The following ALG8 variants were observed in gnomAD, a reference collection of about 807,000 sequenced individuals.
The protein encoded by ALG8 is ALG8 alpha-1,3-glucosyltransferase.
A neutral mutation model predicts 70.2 loss-of-function variants in ALG8; 48 were observed. The ratio of observed to expected loss-of-function variants is 0.68; its 90% CI spans 0.54 to 0.87. The LOEUF (loss-of-function observed/expected upper bound fraction) is 0.87. Among genes scored for constraint, ALG8 ranks in the 40% least tolerant of loss-of-function variants. The probability of loss-of-function intolerance (pLI) is 0.00; values close to 1 mark genes in which losing one functional copy is unlikely to be tolerated. For missense variants in ALG8, 572 were observed against 608.7 expected, an observed-to-expected ratio of 0.94 and a Z score of 0.64; for synonymous variants, 234 against 229.0, an observed-to-expected ratio of 1.02 and a Z score of -0.20.
At chr11:78,138,633 G>C (rs1590850879) in intron 1 of ALG8, 1 of 445,620 alleles carries the variant, frequency 2.2e-6, no homozygotes, top group East Asian at 7.1e-5. Flanking sequence ...AGGAGAAAAG[G>C]GATGAGGGAG....
In ALG8 at chr11:78,112,750, A is replaced by C; in HGVS notation, c.798T>G (p.Phe266Leu). ...FLALNQLPQV[F>L]SRLFPFKRGL... is the part of the protein sequence containing the mutation. ...CCCTCTTGAAAGGAAAGAGTCGGGA[A>C]AAGACTTGAGGCAGCTGATTCTGTT... Residue 266 changes from phenylalanine to leucine, a missense_variant, in exon 8 of 13, where the codon TTT becomes TTG. By Grantham distance (22) the Phe-to-Leu change is conservative. Coordinates refer to ENST00000299626, the MANE Select transcript of ALG8 (RefSeq NM_024079.5). 6.2e-7 allele frequency: 1 copy of C among 1,613,920 alleles called. No homozygotes were observed. Among genetic ancestry groups the C allele is most frequent in the Non-Finnish European group, 8.5e-7 (1 of 1,179,820 alleles).
rs527436295 is a variant in ALG8, at chr11:78,131,184, C to T, written c.96-3748G>A. ...TTTGTTGGAGTGCTGGGATTACAGG[C>T]GTGAGCCACTGCACCCATCAGTAAA... is the stretch of plus-strand genomic sequence containing the variant. On this transcript the variant is annotated intron_variant, in intron 1 of 12. Transcript: ENST00000299626. Among the ~76,000 whole-genome samples, 30 of 151,954 alleles carry T rather than the reference C, an allele frequency of 2.0e-4. 1 individual carries two copies. The highest frequency in any genetic ancestry group is 4.2e-4 in the South Asian group (2 of 4,794).
At chr11:78,107,066 C>G in intron 9 of ALG8, 120 bp from the exon 10 acceptor site, 1 of 1,224,348 alleles carries the variant, frequency 8.2e-7, no homozygotes, top group Non-Finnish European at 1.2e-6. Flanking sequence ...GACAATTCTT[C>G]ATGAAACCGA....
rs368103442 is a variant in ALG8 at position 78,120,990 on chromosome 11, T to C, written c.478+75A>G. 8 of 1,342,104 alleles carry C rather than the reference T, an allele frequency of 6.0e-6. No homozygotes were observed. The East Asian group carries it at 9.3e-5, about 16-fold the overall frequency. The allele number at this position is 1,342,104 out of a possible 1,614,324, so 83.1% of individuals were successfully genotyped here. On this transcript the variant is annotated intron_variant, in intron 4 of 12. Coordinates refer to ENST00000299626, the MANE Select transcript of ALG8 (RefSeq NM_024079.5). Reference sequence around the variant, plus strand: ...AAGGAGCTCACATCTCCAATCATTATTATAGAAAACATTAATCTTGTATTA... The same window carrying C: ...AAGGAGCTCACATCTCCAATCATTACTATAGAAAACATTAATCTTGTATTA...
chr11:78,119,999 G>A (rs541019077), intron 4 of ALG8, among the ~76,000 whole-genome samples: 2 of 152,130 alleles, frequency 1.3e-5, no homozygotes, highest in African/African-American at 4.8e-5. Context: ...CTACTCGGGA[G>A]GCTGAAGCAT....
rs1860369592 is a variant in ALG8, at chr11:78,112,901, T to C, written c.778-131A>G. The stretch of plus-strand genomic sequence containing the variant: ...GTCTGGGTTCTAGTAAGTAAGTGGT[T>C]ATATGCTCACCACAATGTAAGTTCA... On this transcript the variant is annotated intron_variant, in intron 7 of 12. Coordinates refer to ENST00000299626, the MANE Select transcript of ALG8 (RefSeq NM_024079.5). The C allele has an allele frequency of 8.3e-6, 9 of 1,085,420 alleles. No individual in the cohort carries two copies. The South Asian group carries it at 1.2e-4, about 14-fold the overall frequency. The allele number at this position is 1,085,420 out of a possible 1,614,324, so 67.2% of individuals were successfully genotyped here.
intron 2 of ALG8, among the ~76,000 whole-genome samples, chr11:78,126,961 A>G (rs1355058610): frequency 2.6e-5 from 4 of 150,992 alleles, no homozygotes; most frequent in African/African-American, 7.4e-5. Context: ...ATAAAGATTA[A>G]TTAGATCTAT....
rs528112587 is a variant in ALG8 at position 78,139,619 on chromosome 11, T to C, written c.-31A>G. ...CGGCACCGCACGCTTCCCACCAACTTGATCCACATCCGGGATCCCGCGCAT... is the reference window on the plus strand; with the variant it reads ...CGGCACCGCACGCTTCCCACCAACTCGATCCACATCCGGGATCCCGCGCAT... On this transcript the variant is annotated 5_prime_UTR_variant, in exon 1 of 13. Coordinates refer to ENST00000299626, the MANE Select transcript of ALG8 (RefSeq NM_024079.5). 6 of 1,547,174 alleles carry C rather than the reference T, an allele frequency of 3.9e-6. No homozygotes were observed. The African/African-American group carries it at 8.2e-5, about 21-fold the overall frequency.
In ALG8 at chr11:78,104,021, T is replaced by A. The variant is rs1172368286; in HGVS notation, c.1308A>T (p.Leu436=). Residue 436 remains leucine (L), a synonymous_variant, in exon 12 of 13, where the codon CTA becomes CTT. Transcript: ENST00000299626. The stretch of plus-strand genomic sequence containing the variant: ...GTGACGAAATACTATATATGGTGAA[T>A]AGTAACATGAGTAAGATTTTAATGG... ...ELPIKILLML[L]FTIYSISSLK... is the part of the protein sequence containing the mutation. 6.6e-7 allele frequency: 1 copy of A among 1,510,382 alleles called. No individual in the cohort carries two copies. Among genetic ancestry groups the A allele is most frequent in the Non-Finnish European group, 9.2e-7 (1 of 1,089,574 alleles). 93.6% of individuals were successfully genotyped at this position (1,510,382 alleles called of 1,614,324 possible).
chr11:78,131,795 C>T (rs1861319765), intron 1 of ALG8, among the ~76,000 whole-genome samples: 1 of 152,104 alleles, frequency 6.6e-6, no homozygotes, highest in Admixed American at 6.6e-5. Context: ...CAAACAAAAA[C>T]CTACCATCTC....
intron 1 of ALG8, among the ~76,000 whole-genome samples, chr11:78,128,087 C>A (rs1005683989): frequency 2.0e-5 from 3 of 152,210 alleles, no homozygotes; most frequent in Non-Finnish European, 2.9e-5. Flanking sequence ...TAACAAAATT[C>A]ATTACCTGAA....
chr11:78,139,453 G>A, intron 1 of ALG8, 41 bp downstream of exon 1: 1 of 1,546,232 alleles, frequency 6.5e-7, no homozygotes, highest in East Asian at 2.4e-5. Flanking sequence ...GACCGACCGC[G>A]GGGCCTCCCC....
chr11:78,132,605 C>T (rs529141), intron 1 of ALG8, among the ~76,000 whole-genome samples: 33,042 of 151,928 alleles, frequency 0.22, 4,427 homozygotes, highest in African/African-American at 0.38. Flanking sequence ...CTTATCATAG[C>T]TGCCCAAATA....
intron 10 of ALG8, 50 bp downstream of exon 10, chr11:78,106,757 G>C: frequency 2.5e-6 from 4 of 1,610,646 alleles, no homozygotes; most frequent in Non-Finnish European, 3.4e-6. Context: ...TAGAAAATAG[G>C]ATCATTGTGA....
At chr11:78,106,514 T>A (rs1169753609) in intron 10 of ALG8, among the ~76,000 whole-genome samples, 1 of 152,052 alleles carries the variant, frequency 6.6e-6, no homozygotes, top group Non-Finnish European at 1.5e-5. Flanking sequence ...GTTTTTTCTA[T>A]AACATACTGT....
intron 3 of ALG8, among the ~76,000 whole-genome samples, chr11:78,122,128 G>A (rs1860847486): frequency 6.6e-6 from 1 of 152,064 alleles, no homozygotes; most frequent in African/African-American, 2.4e-5. Context: ...TTGAAAATGT[G>A]CTACATTTGA....
intron 2 of ALG8, among the ~76,000 whole-genome samples, chr11:78,126,122 G>A (rs1291027718): frequency 2.0e-5 from 3 of 152,014 alleles, no homozygotes; most frequent in African/African-American, 7.3e-5. Flanking sequence ...TCGCGCCACT[G>A]CACTCCAGCC....
rs1565350709 is a variant in ALG8, at chr11:78,114,331, A to C, written c.608T>G (p.Leu203Arg). 6.2e-7 allele frequency: 1 copy of C among 1,614,116 alleles called. No individual in the cohort carries two copies. The highest frequency in any genetic ancestry group is 1.3e-5 in the African/African-American group (1 of 75,070). ...TACACCATAAGCTGGTGCTACATAG[A>C]GGTAGATATGCTTGAAATGTAGGAG... ...AVLLHFKHIY[L>R]YVAPAYGVYL... The change falls in exon 6 of 13, where the codon CTC becomes CGC. Residue 203 changes from leucine (L) to arginine (R), a missense_variant. Leu to Arg is a moderately radical substitution (Grantham distance 102, BLOSUM62 -2). Transcript: ENST00000299626.
At position 78,104,024 on chromosome 11, in the gene ALG8, T is replaced by A; in HGVS notation, c.1305A>T (p.Leu435Phe). ...ACGAAATACTATATATGGTGAATAG[T>A]AACATGAGTAAGATTTTAATGGGAA... is the stretch of plus-strand genomic sequence containing the variant. ...PELPIKILLMLLFTIYSISSL... is the reference protein window; with the variant it reads ...PELPIKILLMFLFTIYSISSL... The change falls in exon 12 of 13, where the codon TTA becomes TTT. Residue 435 changes from leucine (L) to phenylalanine (F), a missense_variant. Coordinates refer to ENST00000299626, the MANE Select transcript of ALG8 (RefSeq NM_024079.5). 1 of 1,509,856 alleles carries A rather than the reference T, an allele frequency of 6.6e-7. No homozygotes were observed. The highest frequency in any genetic ancestry group is 9.2e-7 in the Non-Finnish European group (1 of 1,089,134). The allele number at this position is 1,509,856 out of a possible 1,614,324, so 93.5% of individuals were successfully genotyped here. A position where few individuals can be genotyped will look rare whatever the true frequency, so the allele number is the denominator to read the frequency against.
Sources: gnomAD v4.1 joint callset for allele counts (sites outside exome capture counted in the v4.1 genomes callset) on GRCh38, gnomAD v4.1.1 for gene constraint, MANE v1.5 for transcripts, NCBI Gene and HGNC (gene_info 2026-07-23, HGNC 2026-07-21) for gene names.